The following NUP210L variants were observed in gnomAD, a reference collection of about 807,000 sequenced individuals.
The protein encoded by NUP210L is nucleoporin 210 like, also known as nuclear pore membrane glycoprotein 210-like.
Under a neutral mutation model 208.5 loss-of-function variants are expected in NUP210L, and 74 were observed. That is an observed-to-expected ratio of 0.35 (90% CI 0.29 to 0.43). NUP210L has a LOEUF of 0.43. NUP210L is among the 20% of genes least tolerant of loss of function. The pLI is 1.00. For synonymous variants in NUP210L, 780 were observed against 816.9 expected (o/e 0.95, Z 0.77); for missense variants, 1,843 against 2,289.4 (o/e 0.81, Z 3.98).
intron 17 of NUP210L, among the ~76,000 whole-genome samples, chr1:154,065,062 C>T (rs1019373543): frequency 6.9e-5 from 10 of 144,520 alleles, no homozygotes; most frequent in Non-Finnish European, 1.4e-4. Context: ...GGAGACAGAG[C>T]GAGATTCCAT....
chr1:154,146,501 A>ACCCATCTAT (rs1176967547), intron 2 of NUP210L, among the ~76,000 whole-genome samples: 304 of 152,048 alleles, frequency 2.0e-3, no homozygotes, highest in African/African-American at 6.9e-3. Context: ...GTATGGTGGC[A>ACCCATCTAT]CCCATCTATG....
intron 35 of NUP210L, among the ~76,000 whole-genome samples, chr1:154,008,754 T>A (rs1376792326): frequency 6.6e-6 from 1 of 152,028 alleles, no homozygotes; most frequent in Admixed American, 6.6e-5. Flanking sequence ...TTACTTTGCT[T>A]TTCTTTGTAA....
chr1:154,017,997 ACT>A (rs1415620329), intron 33 of NUP210L, among the ~76,000 whole-genome samples: 1 of 149,400 alleles, frequency 6.7e-6, no homozygotes, highest in African/African-American at 2.5e-5. Flanking sequence ...TTTGAGAGCG[ACT>A]CTCACTCTGT....
exon 8 of NUP210L, chr1:154,129,313 T>A (rs759132433): frequency 1.2e-6 from 2 of 1,611,442 alleles, no homozygotes; most frequent in Non-Finnish European, 1.7e-6. Context: ...ATGGTGCAAT[T>A]TGGGAGTCCA....
At chr1:154,152,911 G>A in intron 1 of NUP210L, 39 bp from the exon 2 acceptor site, 1 of 1,597,440 alleles carries the variant, frequency 6.3e-7, no homozygotes, top group East Asian at 2.2e-5. Flanking sequence ...AAATAGGTGG[G>A]TTAAAATTAA....
At chr1:154,118,708 T>C in exon 11 of NUP210L, 1 of 1,608,004 alleles carries the variant, frequency 6.2e-7, no homozygotes, top group Non-Finnish European at 8.5e-7. Context: ...CATAGGATGA[T>C]GAGGAAATGC....
At chr1:154,081,899 C>T (rs896229924) in intron 16 of NUP210L, among the ~76,000 whole-genome samples, 9 of 152,122 alleles carry the variant, frequency 5.9e-5, no homozygotes, top group Non-Finnish European at 1.3e-4. Context: ...GGGAGGATCA[C>T]TTAAGCCCAG....
rs189243191 is a variant in NUP210L, at chr1:154,044,125, G to A, written c.3696+1944C>T. Among the ~76,000 whole-genome samples, 195 of 152,186 alleles carry A rather than the reference G, an allele frequency of 1.3e-3. 1 individual carries two copies. Among genetic ancestry groups the A allele is most frequent in the African/African-American group, 4.5e-3 (188 of 41,546 alleles). On this transcript the variant is annotated intron_variant, in intron 27 of 39. Coordinates refer to ENST00000368559, the Ensembl canonical transcript of NUP210L. The stretch of plus-strand genomic sequence containing the variant: ...TGTCTGTTATTCAAGAAAAAAGCCC[G>A]CTGGGCATGGTGGCTCATGCCTGTA...
At chr1:154,101,586 T>C (rs922478875) in intron 13 of NUP210L, among the ~76,000 whole-genome samples, 2 of 152,166 alleles carry the variant, frequency 1.3e-5, no homozygotes, top group African/African-American at 4.8e-5. Context: ...AAGACAACAG[T>C]TGTATGTACA....
chr1:154,096,955 C>A (rs954774071), intron 14 of NUP210L, among the ~76,000 whole-genome samples: 1 of 152,102 alleles, frequency 6.6e-6, no homozygotes, highest in Non-Finnish European at 1.5e-5. Context: ...ATGGTGTGCA[C>A]CTGTAATCCC....
At chr1:154,003,712 T>C (rs987984656) in intron 35 of NUP210L, among the ~76,000 whole-genome samples, 2 of 151,804 alleles carry the variant, frequency 1.3e-5, no homozygotes, top group African/African-American at 4.8e-5. Flanking sequence ...GGTTTCAAAC[T>C]CCTGGGCTCA....
chr1:154,105,575 C>T (rs1054662844), intron 12 of NUP210L, among the ~76,000 whole-genome samples: 2 of 152,166 alleles, frequency 1.3e-5, no homozygotes, highest in African/African-American at 4.8e-5. Flanking sequence ...CAGTGCCATG[C>T]TGGCTTCAGG....
intron 6 of NUP210L, among the ~76,000 whole-genome samples, chr1:154,137,261 A>C (rs1658596550): frequency 6.6e-6 from 1 of 151,722 alleles, no homozygotes; most frequent in South Asian, 2.1e-4. Flanking sequence ...CATTTCTAAC[A>C]AAAAAAAGAG....
rs753834764 is a variant in NUP210L, at chr1:154,030,029, T to C, written c.3722A>G (p.His1241Arg). 3.7e-6 allele frequency: 6 copies of C among 1,607,958 alleles called. No homozygotes were observed. In the South Asian group the frequency reaches 6.7e-5, roughly 18 times the overall value. Residue 1241 changes from histidine (H) to arginine (R), a missense_variant, in exon 28 of 40, where the codon CAT becomes CGT. Physicochemically the swap from His to Arg is conservative, Grantham distance 29. Around this residue, in one of 5 missense-constraint regions of NUP210L, gnomAD observed 781 missense variants for 973.8 expected, o/e 0.80. Transcript: ENST00000368559. ...TGTATGGACAACCATGGCAAAGTTA[T>C]GCTCTACTGGGAGCTGTAGAAAAAC...
chr1:153,994,135 C>T (rs1406397648), intron 38 of NUP210L, among the ~76,000 whole-genome samples: 1 of 152,086 alleles, frequency 6.6e-6, no homozygotes, highest in Non-Finnish European at 1.5e-5. Flanking sequence ...CCACTTTGGC[C>T]TCCCAAAGTG....
chr1:154,022,307 G>A, exon 32 of NUP210L: 1 of 1,614,160 alleles, frequency 6.2e-7, no homozygotes, highest in Non-Finnish European at 8.5e-7. Context: ...TGTAAGTATA[G>A]TTCTTATTCC....
chr1:154,104,928 C>A (rs932058012), intron 12 of NUP210L, among the ~76,000 whole-genome samples: 3 of 152,044 alleles, frequency 2.0e-5, no homozygotes, highest in African/African-American at 7.2e-5. Flanking sequence ...CTCCCCACAC[C>A]CCAGGTGCAC....
intron 16 of NUP210L, among the ~76,000 whole-genome samples, chr1:154,084,315 G>T (rs920705914): frequency 6.6e-6 from 1 of 151,142 alleles, no homozygotes; most frequent in African/African-American, 2.4e-5. Flanking sequence ...GGGTTCAAGC[G>T]ATTCTCATAC....
intron 19 of NUP210L, 122 bp from the exon 20 acceptor site, chr1:154,060,763 G>A: frequency 1.3e-6 from 1 of 780,704 alleles, no homozygotes; most frequent in Non-Finnish European, 2.1e-6. Flanking sequence ...ATAGACAAAA[G>A]ACAAAATACA....
Sources: gnomAD v4.1 joint callset for allele counts (sites outside exome capture counted in the v4.1 genomes callset) on GRCh38, gnomAD v4.1.1 for gene constraint, gnomAD v4.1.1 regional missense constraint, MANE v1.5 for transcripts, NCBI Gene and HGNC (gene_info 2026-07-23, HGNC 2026-07-21) for gene names.